The following RPS6KB1 variants were observed in gnomAD, a reference collection of about 807,000 sequenced individuals.
RPS6KB1 encodes the protein ribosomal protein S6 kinase beta-1.
In RPS6KB1, 12 loss-of-function variants were observed where a neutral mutation model predicts 70.2. The observed-to-expected ratio is 0.17, with a 90% CI of 0.11 to 0.28. The LOEUF (loss-of-function observed/expected upper bound fraction) is 0.28, where lower values mean the gene tolerates loss of function less well. Among genes scored for constraint, RPS6KB1 ranks in the 10% least tolerant of loss-of-function variants. RPS6KB1 has a pLI of 1.00. For synonymous variants in RPS6KB1, 175 were observed against 211.2 expected (o/e 0.83, Z 1.49); for missense variants, 270 against 646.6 (o/e 0.42, Z 6.32).
chr17:59,922,091 A>G (rs1447191611), intron 4 of RPS6KB1, among the ~76,000 whole-genome samples: 1 of 141,578 alleles, frequency 7.1e-6, no homozygotes, highest in Non-Finnish European at 1.5e-5. Context: ...CCCAGGCTGG[A>G]GTGCAGTGGT....
At chr17:59,913,941 T>C (rs2042795601) in intron 3 of RPS6KB1, 1 of 152,264 alleles carries the variant, frequency 6.6e-6, no homozygotes, top group Admixed American at 6.5e-5. Context: ...CCTCAGGTGA[T>C]CCACCCGAGT....
chr17:59,904,120 GC>G, intron 1 of RPS6KB1, among the ~76,000 whole-genome samples: 1 of 151,694 alleles, frequency 6.6e-6, no homozygotes, highest in Non-Finnish European at 1.5e-5. Flanking sequence ...TTGTTCTGTT[GC>G]CCAGGCTGGA....
At chr17:59,906,627 GC>G (rs2042278295) in intron 1 of RPS6KB1, among the ~76,000 whole-genome samples, 2 of 151,886 alleles carry the variant, frequency 1.3e-5, no homozygotes, top group Admixed American at 6.6e-5. Context: ...CTCCTAAAGT[GC>G]TAGAATTACA....
chr17:59,926,742 CTAT>C (rs2144922783), intron 5 of RPS6KB1, among the ~76,000 whole-genome samples, 160 bp downstream of exon 5: 1 of 152,204 alleles, frequency 6.6e-6, no homozygotes, highest in African/African-American at 2.4e-5. Flanking sequence ...CCAAATGTTT[CTAT>C]TGGCAGACAA....
At chr17:59,914,897 G>T (rs535240083) in intron 4 of RPS6KB1, among the ~76,000 whole-genome samples, 194 bp downstream of exon 4, 7 of 152,276 alleles carry the variant, frequency 4.6e-5, no homozygotes, top group African/African-American at 1.4e-4. Flanking sequence ...GGGAGACTGA[G>T]TCAGGAGGAT....
chr17:59,902,788 G>A (rs944815737), intron 1 of RPS6KB1, among the ~76,000 whole-genome samples: 1 of 151,864 alleles, frequency 6.6e-6, no homozygotes, highest in East Asian at 1.9e-4. Context: ...ATTTTGTCCC[G>A]GTTGGTTTTA....
chr17:59,939,904 G>C (rs1397568662), intron 12 of RPS6KB1, among the ~76,000 whole-genome samples: 1 of 152,156 alleles, frequency 6.6e-6, no homozygotes, highest in Non-Finnish European at 1.5e-5. Flanking sequence ...AGTCTAACCA[G>C]ATATTTTGGG....
intron 1 of RPS6KB1, among the ~76,000 whole-genome samples, chr17:59,897,001 CTTTAA>C (rs1003171561): frequency 2.0e-5 from 3 of 151,950 alleles, no homozygotes; most frequent in South Asian, 2.1e-4. Flanking sequence ...AATTTATAGA[CTTTAA>C]TTTATTACAC....
chr17:59,902,578 C>CT (rs559757964), intron 1 of RPS6KB1, among the ~76,000 whole-genome samples: 26,251 of 134,256 alleles, frequency 0.2, 2,709 homozygotes, highest in East Asian at 0.38. Context: ...TTTTTTGTTT[C>CT]TTTTTTTTTT....
intron 1 of RPS6KB1, among the ~76,000 whole-genome samples, chr17:59,907,697 C>G (rs1487667299): frequency 1.3e-5 from 2 of 152,068 alleles, no homozygotes; most frequent in Admixed American, 1.3e-4. Flanking sequence ...TGCCACCACA[C>G]TCAGCTAATT....
Position 59,946,966 on chromosome 17 carries a change from A to T in RPS6KB1, c.*178A>T. The T allele has an allele frequency of 7.0e-7, 1 of 1,437,022 alleles. No individual in the cohort carries two copies. Among genetic ancestry groups the T allele is most frequent in the Non-Finnish European group, 9.1e-7 (1 of 1,098,642 alleles). 89.0% of individuals were successfully genotyped at this position (1,437,022 alleles called of 1,614,324 possible). On this transcript the variant is annotated 3_prime_UTR_variant, in exon 15 of 15. Coordinates refer to ENST00000225577, the MANE Select transcript of RPS6KB1 (RefSeq NM_003161.4). This position sits in a 1 kb window ranked among gnomAD's most constrained non-coding sequence, Gnocchi z 4.2. Reference sequence around the variant, plus strand: ...TAAAAAATCAATCAATGGTGCAAAAAAAAACTTAAAGCAAAATAGTATTGC... The same window carrying T: ...TAAAAAATCAATCAATGGTGCAAAATAAAACTTAAAGCAAAATAGTATTGC...
At chr17:59,911,576 G>A (rs1347927582) in intron 2 of RPS6KB1, among the ~76,000 whole-genome samples, 4 of 114,044 alleles carry the variant, frequency 3.5e-5, no homozygotes, top group Non-Finnish European at 5.1e-5. Context: ...ACAAAGTCTC[G>A]CTCTTGTTCC....
chr17:59,906,622 A>G (rs1291324114), intron 1 of RPS6KB1, among the ~76,000 whole-genome samples: 2 of 151,894 alleles, frequency 1.3e-5, no homozygotes, highest in Admixed American at 6.6e-5. Flanking sequence ...TTGGCCTCCT[A>G]AAGTGCTAGA....
At chr17:59,914,429 G>A (rs981637767) in intron 3 of RPS6KB1, among the ~76,000 whole-genome samples, 1 of 152,062 alleles carries the variant, frequency 6.6e-6, no homozygotes, top group Admixed American at 6.6e-5. Context: ...TTATTAGATG[G>A]TCATTGTCCA....
chr17:59,915,638 G>C (rs970666348), intron 4 of RPS6KB1, among the ~76,000 whole-genome samples: 1 of 140,006 alleles, frequency 7.1e-6, no homozygotes, highest in African/African-American at 2.6e-5. Context: ...GCTAATTTTT[G>C]GATTTTTAGT....
At chr17:59,936,581 C>G in intron 12 of RPS6KB1, 40 bp downstream of exon 12, 1 of 1,531,942 alleles carries the variant, frequency 6.5e-7, no homozygotes. Flanking sequence ...TGCAGTGGCT[C>G]ACGCCTGTAA....
chr17:59,934,583 G>C lies in RPS6KB1; in HGVS notation c.870+59G>C. 7.8e-7 allele frequency: 1 copy of C among 1,289,038 alleles called. No homozygotes were observed. 79.9% of individuals were successfully genotyped at this position (1,289,038 alleles called of 1,614,324 possible). ...GGTCTGTGCTGAGTCACTATAGCAA[G>C]AGACCTGTCCTGTGCTTTCTGAACA... On this transcript the variant is annotated intron_variant, in intron 9 of 14. Transcript: ENST00000225577. The surrounding 1 kb of genome is among the most constrained non-coding windows in gnomAD (Gnocchi z 4.8).
intron 1 of RPS6KB1, among the ~76,000 whole-genome samples, chr17:59,895,241 C>T (rs940153203): frequency 2.0e-5 from 3 of 149,238 alleles, no homozygotes; most frequent in African/African-American, 4.9e-5. Flanking sequence ...AGGATGGTCA[C>T]GATCTCTTGA....
chr17:59,943,157 G>A (rs1444676812), intron 13 of RPS6KB1, among the ~76,000 whole-genome samples: 2 of 152,148 alleles, frequency 1.3e-5, no homozygotes, highest in Non-Finnish European at 2.9e-5. Context: ...AGATGAGTGA[G>A]TGCATGCATG....
Sources: allele counts gnomAD v4.1 joint callset (sites outside exome capture counted in the v4.1 genomes callset), GRCh38; gene constraint gnomAD v4.1.1; non-coding constraint Gnocchi (gnomAD v3.1); transcripts MANE v1.5; gene names NCBI Gene and HGNC (gene_info 2026-07-23, HGNC 2026-07-21).